Variants in TSPAN18 observed in about 807,000 individuals in gnomAD.
TSPAN18 encodes tetraspanin-18.
Under a neutral mutation model 27.3 loss-of-function variants are expected in TSPAN18, and 14 were observed. That is an observed-to-expected ratio of 0.51 (90% confidence interval 0.34 to 0.80). The LOEUF is 0.80. Ranked by LOEUF, TSPAN18 falls within the 30% of genes least tolerant of loss-of-function variation. The pLI, the probability that TSPAN18 is intolerant of heterozygous loss-of-function variation, is 0.01. For missense variants in TSPAN18, 268 were observed against 323.9 expected (o/e 0.83, Z 1.32); for synonymous variants, 143 against 136.5 (o/e 1.05, Z -0.33).
intron 3 of TSPAN18, among the ~76,000 whole-genome samples, chr11:44,885,318 T>C (rs1184554638): frequency 6.6e-6 from 1 of 152,150 alleles, no homozygotes; most frequent in African/African-American, 2.4e-5. Flanking sequence ...AACTAAGACC[T>C]GGAGAAGATA....
At position 44,800,377 on chromosome 11, in the gene TSPAN18, G is replaced by A. The variant is rs980537361; in HGVS notation, c.-153+35865G>A. Among the ~76,000 whole-genome samples, 2 of 152,280 alleles carry A rather than the reference G, an allele frequency of 1.3e-5. 1 individual carries two copies. The highest frequency in any genetic ancestry group is 4.1e-4 in the South Asian group (2 of 4,828). ...GGGATCTGGCGGATCTGGGGTTGGA[G>A]CCTCTTCTGCCTCACTTACATCTCA... On this transcript the variant is annotated intron_variant, in intron 2 of 9. Coordinates refer to ENST00000520358, the MANE Select transcript of TSPAN18 (RefSeq NM_130783.5).
intron 2 of TSPAN18, among the ~76,000 whole-genome samples, chr11:44,857,606 G>A (rs578131029): frequency 6.6e-6 from 1 of 152,308 alleles, no homozygotes; most frequent in African/African-American, 2.4e-5. Context: ...GCCTCAACGA[G>A]TGTGGGATCA....
intron 2 of TSPAN18, among the ~76,000 whole-genome samples, chr11:44,765,718 C>T (rs543787888): frequency 1.3e-5 from 2 of 152,320 alleles, no homozygotes; most frequent in East Asian, 3.9e-4. Context: ...CTTTTGCTTA[C>T]TTCAGTCTGT....
chr11:44,790,299 G>A (rs1317898205), intron 2 of TSPAN18, among the ~76,000 whole-genome samples: 1 of 151,724 alleles, frequency 6.6e-6, no homozygotes, highest in South Asian at 2.1e-4. Flanking sequence ...ATGTGCATGT[G>A]TGTGTGCATG....
chr11:44,895,057 T>C (rs975268754), intron 3 of TSPAN18, among the ~76,000 whole-genome samples: 1 of 152,224 alleles, frequency 6.6e-6, no homozygotes, highest in African/African-American at 2.4e-5. Context: ...TAGGTAAGGA[T>C]TAAATAAGAG....
At chr11:44,804,125 C>CA (rs1856541009) in intron 2 of TSPAN18, among the ~76,000 whole-genome samples, 2 of 151,900 alleles carry the variant, frequency 1.3e-5, no homozygotes, top group East Asian at 3.9e-4. Context: ...CCCCCAGAGA[C>CA]AGAGTCTCGC....
intron 2 of TSPAN18, among the ~76,000 whole-genome samples, chr11:44,797,832 C>T (rs919909852): frequency 2.6e-5 from 4 of 152,174 alleles, no homozygotes; most frequent in Non-Finnish European, 5.9e-5. Flanking sequence ...TGGCCTTTCT[C>T]TAAGTGGGTG....
chr11:44,783,759 C>A (rs896840116), intron 2 of TSPAN18, among the ~76,000 whole-genome samples: 1 of 152,210 alleles, frequency 6.6e-6, no homozygotes, highest in Non-Finnish European at 1.5e-5. Flanking sequence ...TGTGGTCCTA[C>A]AAATCCCGCC....
At chr11:44,731,633 T>TGA (rs1554976096) in intron 1 of TSPAN18, among the ~76,000 whole-genome samples, 63 of 107,436 alleles carry the variant, frequency 5.9e-4, no homozygotes, top group African/African-American at 2.1e-3. Flanking sequence ...TGTGTGTGTG[T>TGA]GAGAGAGAGA....
intron 2 of TSPAN18, among the ~76,000 whole-genome samples, chr11:44,801,516 A>G (rs1042130024): frequency 6.6e-6 from 1 of 152,208 alleles, no homozygotes; most frequent in African/African-American, 2.4e-5. Flanking sequence ...TCCATATAGC[A>G]TCCAGAGAAA....
At chr11:44,729,311 G>A (rs1854595634) in intron 1 of TSPAN18, among the ~76,000 whole-genome samples, 1 of 152,106 alleles carries the variant, frequency 6.6e-6, no homozygotes, top group African/African-American at 2.4e-5. Context: ...TTTCTGTGGA[G>A]GGAAGCCTGC....
At chr11:44,853,398 G>A (rs1424124426) in intron 2 of TSPAN18, among the ~76,000 whole-genome samples, 2 of 152,172 alleles carry the variant, frequency 1.3e-5, no homozygotes, top group African/African-American at 4.8e-5. Context: ...AGGCCCATAA[G>A]TCTGGGAGAC....
chr11:44,916,821 CAGTCTCTGTGTGTGCCAGAGATAA>C (rs1055023346), intron 5 of TSPAN18, among the ~76,000 whole-genome samples: 3 of 152,196 alleles, frequency 2.0e-5, no homozygotes, highest in African/African-American at 7.2e-5. Context: ...ATGGAAGAAC[CAGTCTCTGTGTGTGCCAGAGATAA>C]AGTCCTCTGC....
At chr11:44,925,481 C>T (rs1265330083) in intron 8 of TSPAN18, among the ~76,000 whole-genome samples, 6 of 152,216 alleles carry the variant, frequency 3.9e-5, no homozygotes, top group Non-Finnish European at 8.8e-5. Context: ...CAGGCAGGTA[C>T]TAGGACACCA....
At chr11:44,820,878 G>T (rs1382599726) in intron 2 of TSPAN18, among the ~76,000 whole-genome samples, 1 of 152,194 alleles carries the variant, frequency 6.6e-6, no homozygotes, top group Non-Finnish European at 1.5e-5. Context: ...CATGTGACAT[G>T]CCTGCTCCCC....
intron 1 of TSPAN18, among the ~76,000 whole-genome samples, chr11:44,728,760 C>T (rs999715768): frequency 2.0e-5 from 3 of 152,174 alleles, no homozygotes; most frequent in South Asian, 4.1e-4. Flanking sequence ...GGGAAGTCGA[C>T]GGCTGCTGGC....
chr11:44,782,063 A>C (rs542261451), intron 2 of TSPAN18, among the ~76,000 whole-genome samples: 1 of 152,224 alleles, frequency 6.6e-6, no homozygotes, highest in Admixed American at 6.5e-5. Flanking sequence ...TCTTATGTAT[A>C]TATAGTAATT....
At chr11:44,848,945 T>C (rs1227312508) in intron 2 of TSPAN18, among the ~76,000 whole-genome samples, 1 of 152,216 alleles carries the variant, frequency 6.6e-6, no homozygotes, top group Non-Finnish European at 1.5e-5. Context: ...AGAACTGAGT[T>C]CAAGTCCAAG....
chr11:44,925,047 C>A (rs1177142189), intron 8 of TSPAN18, among the ~76,000 whole-genome samples: 3 of 152,210 alleles, frequency 2.0e-5, no homozygotes, highest in Non-Finnish European at 4.4e-5. Flanking sequence ...GGGGTAGGAA[C>A]CCCTGGGTTG....
Sources: gnomAD v4.1 joint callset for allele counts (sites outside exome capture counted in the v4.1 genomes callset) on GRCh38, gnomAD v4.1.1 for gene constraint, MANE v1.5 for transcripts, NCBI Gene and HGNC (gene_info 2026-07-23, HGNC 2026-07-21) for gene names.